GMEB1: variants seen among roughly 807,000 people sequenced by gnomAD.
The protein encoded by GMEB1 is glucocorticoid modulatory element binding protein 1, also known as glucocorticoid modulatory element-binding protein 1.
GMEB1 carries 6 observed loss-of-function variants against 52.4 expected under a neutral mutation model. That is an observed-to-expected ratio of 0.11 (90% confidence interval 0.06 to 0.23). The LOEUF (loss-of-function observed/expected upper bound fraction) is 0.23, where lower values mean the gene tolerates loss of function less well. GMEB1 is among the 10% of genes least tolerant of loss of function. GMEB1 has a pLI of 1.00. For missense variants in GMEB1, 486 were observed against 685.6 expected (o/e 0.71, Z 3.25); for synonymous variants, 255 against 244.9 (o/e 1.04, Z -0.38).
At chr1:28,710,299 C>G (rs549088687) in intron 8 of GMEB1, among the ~76,000 whole-genome samples, 2 of 152,126 alleles carry the variant, frequency 1.3e-5, no homozygotes, top group Non-Finnish European at 2.9e-5. Context: ...GCCACCATGC[C>G]CAGCCTGATC....
chr1:28,692,808 T>G (rs1570408478), intron 4 of GMEB1, 134 bp from the exon 5 acceptor site: 1 of 461,868 alleles, frequency 2.2e-6, no homozygotes, highest in Non-Finnish European at 3.9e-6. Context: ...GTACAGGAGG[T>G]TGGATAATAC....
upstream of GMEB1, chr1:28,668,696 G>C (rs1471215156): frequency 1.3e-5 from 2 of 154,030 alleles, no homozygotes; most frequent in African/African-American, 4.8e-5. Flanking sequence ...CCCCTTTAAG[G>C]CGCCAGCTCT....
At chr1:28,672,197 T>TTTAA (rs370275096) in intron 1 of GMEB1, among the ~76,000 whole-genome samples, 89 of 136,078 alleles carry the variant, frequency 6.5e-4, no homozygotes, top group African/African-American at 2.3e-3. Flanking sequence ...TAACTTTTAT[T>TTTAA]TTTATTTATT....
Position 28,714,347 on chromosome 1 carries a change from T to C in GMEB1, c.1266T>C (p.Ser422=). ...IPVATLSQGS[S]PVTVHTLPSG... ...TGGCCACCCTCAGCCAGGGCTCCAG[T>C]CCTGTGACTGTCCACACACTGCCTT... Residue 422 remains serine, a synonymous_variant, in exon 10 of 10, where the codon AGT becomes AGC. Transcript: ENST00000373816. 1 of 1,614,120 alleles carries C rather than the reference T, an allele frequency of 6.2e-7. No homozygotes were observed. The highest frequency in any genetic ancestry group is 8.5e-7 in the Non-Finnish European group (1 of 1,180,010).
rs1670647764 is a variant in GMEB1, at chr1:28,704,305, A to G, written c.844A>G (p.Ile282Val). The G allele has an allele frequency of 6.2e-7, 1 of 1,612,996 alleles. No individual in the cohort carries two copies. The highest frequency in any genetic ancestry group is 8.5e-7 in the Non-Finnish European group (1 of 1,179,422). ...ELLRGVQQRLIQAPFQVTDAA... is the reference protein window; with the variant it reads ...ELLRGVQQRLVQAPFQVTDAA... ...ACTCAGGGGAGTTCAGCAGCGGCTC[A>G]TCCAGGCTCCCTTCCAAGTCACAGG... Residue 282 changes from isoleucine to valine, a missense_variant, in exon 8 of 10, where the codon ATC becomes GTC. Transcript: ENST00000373816.
At chr1:28,675,215 C>T (rs1669095368) in intron 1 of GMEB1, among the ~76,000 whole-genome samples, 1 of 148,412 alleles carries the variant, frequency 6.7e-6, no homozygotes, top group Admixed American at 6.8e-5. Context: ...GACGAGGTTT[C>T]ACCATGTTAG....
intron 9 of GMEB1, 127 bp downstream of exon 9, chr1:28,710,769 T>TAA: frequency 1.3e-5 from 6 of 456,760 alleles, no homozygotes; most frequent in Non-Finnish European, 1.3e-5. Context: ...CTTTTAAAAA[T>TAA]AAAAAAAAAA....
intron 8 of GMEB1, among the ~76,000 whole-genome samples, chr1:28,707,359 G>T (rs549690900): frequency 3.9e-5 from 6 of 152,166 alleles, no homozygotes; most frequent in African/African-American, 1.4e-4. Context: ...TGTGTGGAGA[G>T]TAGACTCTTA....
chr1:28,674,242 G>A (rs557823047), intron 1 of GMEB1, among the ~76,000 whole-genome samples: 1 of 152,038 alleles, frequency 6.6e-6, no homozygotes, highest in South Asian at 2.1e-4. Context: ...CAGAGGCTGA[G>A]GTGGGAGGAT....
Position 28,704,231 on chromosome 1 carries a change from G to A in GMEB1, c.770G>A (p.Gly257Glu). The change falls in exon 8 of 10, where the codon GGG becomes GAG. Residue 257 changes from glycine to glutamate, a missense_variant. By Grantham distance (98) the Gly-to-Glu change is moderately conservative. Coordinates refer to ENST00000373816, the MANE Select transcript of GMEB1 (RefSeq NM_001319674.2). ...TTCTGGAAAGGAATAGCTGATGTAG[G>A]GCTGATGGAAGAGGTTGTCTGCAAT... ...LMFWKGIADVGLMEEVVCNIQ... is the reference protein window; with the variant it reads ...LMFWKGIADVELMEEVVCNIQ... 1 of 1,613,612 alleles carries A rather than the reference G, an allele frequency of 6.2e-7. No homozygotes were observed. Among genetic ancestry groups the A allele is most frequent in the Non-Finnish European group, 8.5e-7 (1 of 1,179,764 alleles).
At chr1:28,692,016 CTTTT>C (rs1263190636) in intron 4 of GMEB1, among the ~76,000 whole-genome samples, 1 of 133,976 alleles carries the variant, frequency 7.5e-6, no homozygotes, top group Admixed American at 7.6e-5. Flanking sequence ...CCTTGGCTTT[CTTTT>C]TTTTTTTTTT....
intron 2 of GMEB1, among the ~76,000 whole-genome samples, chr1:28,687,941 A>G (rs888755695): frequency 6.6e-6 from 1 of 152,130 alleles, no homozygotes; most frequent in Non-Finnish European, 1.5e-5. Flanking sequence ...AGGGAACTTG[A>G]TGGTTATTTT....
intron 6 of GMEB1, among the ~76,000 whole-genome samples, chr1:28,699,794 G>T (rs1670406778): frequency 6.6e-6 from 1 of 151,100 alleles, no homozygotes; most frequent in Non-Finnish European, 1.5e-5. Flanking sequence ...CCTCTTAATG[G>T]CTGGGCATGG....
intron 8 of GMEB1, among the ~76,000 whole-genome samples, chr1:28,705,694 G>A (rs1393301537): frequency 1.3e-4 from 19 of 149,926 alleles, no homozygotes; most frequent in Admixed American, 9.3e-4. Context: ...TGGGTGATCC[G>A]CCCGCCTCGG....
At chr1:28,691,042 G>A (rs1365441457) in intron 3 of GMEB1, among the ~76,000 whole-genome samples, 1 of 151,088 alleles carries the variant, frequency 6.6e-6, no homozygotes, top group Non-Finnish European at 1.5e-5. Flanking sequence ...TGTAATCCCA[G>A]CACTTTGGGA....
At chr1:28,705,310 C>G (rs1309310344) in intron 8 of GMEB1, among the ~76,000 whole-genome samples, 1 of 151,572 alleles carries the variant, frequency 6.6e-6, no homozygotes, top group African/African-American at 2.4e-5. Flanking sequence ...ACGAGAATTG[C>G]TGAACCCAAG....
intron 6 of GMEB1, among the ~76,000 whole-genome samples, chr1:28,698,410 T>TCACGCCTGTAATCCCAG (rs1482779562): frequency 4.7e-5 from 7 of 150,110 alleles, no homozygotes; most frequent in African/African-American, 1.7e-4. Flanking sequence ...GCATGGTGGC[T>TCACGCCTGTAATCCCAG]CACGCCTGTA....
intron 2 of GMEB1, among the ~76,000 whole-genome samples, chr1:28,687,805 G>C (rs913991876): frequency 3.9e-5 from 6 of 152,072 alleles, no homozygotes; most frequent in Middle Eastern, 3.4e-3. Context: ...ACTATGTGGA[G>C]TTGTGAAGGA....
intron 1 of GMEB1, among the ~76,000 whole-genome samples, chr1:28,674,449 A>G (rs1036135504): frequency 2.0e-5 from 3 of 152,026 alleles, no homozygotes; most frequent in Admixed American, 2.0e-4. Flanking sequence ...CCCCATGTAC[A>G]AAGGCACAAT....
Sources: allele counts gnomAD v4.1 joint callset (sites outside exome capture counted in the v4.1 genomes callset), GRCh38; gene constraint gnomAD v4.1.1; transcripts MANE v1.5; gene names NCBI Gene and HGNC (gene_info 2026-07-23, HGNC 2026-07-21).